The following NLRP13 variants were observed in gnomAD, a reference collection of about 807,000 sequenced individuals.
The protein encoded by NLRP13 is NLR family pyrin domain containing 13.
A neutral mutation model predicts 94.4 loss-of-function variants in NLRP13; 82 were observed. The ratio of observed to expected loss-of-function variants is 0.87; its 90% confidence interval spans 0.73 to 1.04. The LOEUF (loss-of-function observed/expected upper bound fraction) is 1.04, where lower values mean the gene tolerates loss of function less well. Among genes scored for constraint, NLRP13 ranks in the 50% least tolerant of loss-of-function variants. The probability of loss-of-function intolerance (pLI) is 0.00; values close to 1 mark genes in which losing one functional copy is unlikely to be tolerated. For missense variants in NLRP13, 1,426 were observed against 1,230.8 expected (o/e 1.16, Z -2.37); for synonymous variants, 553 against 464.7 (o/e 1.19, Z -2.45).
intron 4 of NLRP13, among the ~76,000 whole-genome samples, chr19:55,916,213 G>GA (rs1394748379): frequency 2.6e-5 from 4 of 152,030 alleles, no homozygotes; most frequent in Admixed American, 2.6e-4. Context: ...ATCCTCAAGG[G>GA]AAAAAATAGT....
intron 7 of NLRP13, among the ~76,000 whole-genome samples, chr19:55,905,339 C>T (rs1986307071): frequency 6.6e-6 from 1 of 151,348 alleles, no homozygotes; most frequent in African/African-American, 2.4e-5. Flanking sequence ...GTCAAGAGTT[C>T]GAGAGCAGCC....
At chr19:55,897,592 C>T (rs963872899) in intron 10 of NLRP13, among the ~76,000 whole-genome samples, 36 of 152,232 alleles carry the variant, frequency 2.4e-4, no homozygotes, top group Non-Finnish European at 4.1e-4. Flanking sequence ...TAAGTTGCTT[C>T]GTTAACTGAT....
In NLRP13 at chr19:55,925,179, T is replaced by C. The variant is rs1323078455; in HGVS notation, c.320-144A>G. ...TTCCTCCAGTTTTCTCAAGCTCCAT[T>C]AGCCCAACTGAAGATGCAGTGTGCA... is the stretch of plus-strand genomic sequence containing the variant. On this transcript the variant is annotated intron_variant, in intron 1 of 10. Coordinates refer to ENST00000342929, the MANE Select transcript of NLRP13 (RefSeq NM_176810.2). 4.2e-6 allele frequency: 3 copies of C among 719,950 alleles called. No individual in the cohort carries two copies. The African/African-American group carries it at 5.2e-5, about 13-fold the overall frequency. The allele number at this position is 719,950 out of a possible 1,614,324, so 44.6% of individuals were successfully genotyped here.
In NLRP13 at chr19:55,910,764, G is replaced by C. The variant is rs1479740140; in HGVS notation, c.2112-31C>G. ...TGAGGGAGAGACAGAACACGGATAA[G>C]AGCAAATTAGCCTCAAGCAATACCC... On this transcript the variant is annotated intron_variant, in intron 5 of 10. Transcript: ENST00000342929. 5 of 1,556,144 alleles carry C rather than the reference G, an allele frequency of 3.2e-6. No homozygotes were observed. In the Admixed American group the frequency reaches 5.3e-5, roughly 16 times the overall value.
chr19:55,900,350 A>G (rs1374979009), intron 9 of NLRP13, among the ~76,000 whole-genome samples: 2 of 152,234 alleles, frequency 1.3e-5, no homozygotes, highest in Non-Finnish European at 2.9e-5. Flanking sequence ...TTATAAATGC[A>G]GATGCAAATA....
intron 7 of NLRP13, among the ~76,000 whole-genome samples, chr19:55,907,453 G>A (rs1404422137): frequency 6.6e-6 from 1 of 152,108 alleles, no homozygotes; most frequent in African/African-American, 2.4e-5. Context: ...ACACCTGTGG[G>A]TACCAGCCAC....
chr19:55,903,080 T>C (rs1281943031), intron 8 of NLRP13, among the ~76,000 whole-genome samples: 1 of 151,862 alleles, frequency 6.6e-6, no homozygotes, highest in Non-Finnish European at 1.5e-5. Flanking sequence ...GTTATAATTA[T>C]ACTAATTATT....
intron 6 of NLRP13, among the ~76,000 whole-genome samples, chr19:55,909,966 C>T (rs956386061): frequency 3.9e-5 from 6 of 152,132 alleles, no homozygotes; most frequent in Non-Finnish European, 8.8e-5. Context: ...TGCAAGCCAC[C>T]TTCCTCCTCA....
chr19:55,909,017 C>T (rs943149661), intron 6 of NLRP13, among the ~76,000 whole-genome samples: 1 of 152,106 alleles, frequency 6.6e-6, no homozygotes, highest in South Asian at 2.1e-4. Context: ...TACGATCAAA[C>T]CTTTCACTCT....
intron 8 of NLRP13, among the ~76,000 whole-genome samples, chr19:55,902,773 T>G (rs1660495048): frequency 6.6e-6 from 1 of 151,774 alleles, no homozygotes; most frequent in Admixed American, 6.6e-5. Flanking sequence ...ATATAAGTTT[T>G]ATGAAAATAT....
chr19:55,912,245 C>T lies in NLRP13; in HGVS notation c.1572G>A (p.Lys524=). The T allele has an allele frequency of 6.2e-7, 1 of 1,614,144 alleles. No homozygotes were observed. Among genetic ancestry groups the T allele is most frequent in the Non-Finnish European group, 8.5e-7 (1 of 1,180,014 alleles). The part of the protein sequence containing the change: ...DSLYEFNILQ[K]INDCGGCTTF... ...TAGTGCAACCCCCACAGTCATTGAT[C>T]TTTTGAAGAATATTGAACTCGTAGA... Residue 524 remains lysine (K), a synonymous_variant, in exon 5 of 11, where the codon AAG becomes AAA. Transcript: ENST00000342929.
intron 1 of NLRP13, among the ~76,000 whole-genome samples, chr19:55,930,698 A>G (rs200595644): frequency 0.17 from 25,537 of 146,090 alleles, 2,718 homozygotes; most frequent in African/African-American, 0.24. Context: ...AAAAAAAAAA[A>G]AAAAAAAAAG....
rs530711374 is a variant in NLRP13 at position 55,923,009 on chromosome 19, T to G, written c.523+905A>C. On this transcript the variant is annotated intron_variant, in intron 4 of 10. Transcript: ENST00000342929. The stretch of plus-strand genomic sequence containing the variant: ...ATTACAAGCTCTATGTCCCTGTGAT[T>G]CTTTGGGGCTTGTATACATGCACAT... Among the ~76,000 whole-genome samples, 4 of 152,334 alleles carry G rather than the reference T, an allele frequency of 2.6e-5. No homozygotes were observed. The East Asian group carries it at 7.7e-4, about 29-fold the overall frequency.
chr19:55,896,204 A>C (rs949964521), intron 10 of NLRP13, 85 bp from the exon 11 acceptor site: 1 of 1,451,624 alleles, frequency 6.9e-7, no homozygotes, highest in Non-Finnish European at 9.4e-7. Context: ...GCAGGAAAAA[A>C]ACTATTACTA....
chr19:55,917,591 C>T (rs1986703938), intron 4 of NLRP13, among the ~76,000 whole-genome samples: 1 of 151,800 alleles, frequency 6.6e-6, no homozygotes, highest in African/African-American at 2.4e-5. Flanking sequence ...TCCACTTTTC[C>T]CCCTTTGCTT....
chr19:55,908,002 G>C (rs750802920), intron 6 of NLRP13, 46 bp from the exon 7 acceptor site: 1 of 1,547,120 alleles, frequency 6.5e-7, no homozygotes, highest in Admixed American at 1.9e-5. Context: ...GGAGAAGACT[G>C]GTTTCCAGGA....
At chr19:55,891,767 A>G (rs1462702242), downstream of NLRP13, 1 of 291,372 alleles carries the variant, frequency 3.4e-6, no homozygotes, top group Non-Finnish European at 6.3e-6. Flanking sequence ...GAGGACATAG[A>G]CAAGACTGAA....
chr19:55,927,436 T>C (rs916219183), intron 1 of NLRP13, among the ~76,000 whole-genome samples: 2 of 140,484 alleles, frequency 1.4e-5, no homozygotes, highest in African/African-American at 2.8e-5. Context: ...CCTTTGCCTG[T>C]GAAATAAAGT....
intron 4 of NLRP13, among the ~76,000 whole-genome samples, chr19:55,915,898 A>C (rs1986663008): frequency 1.3e-5 from 2 of 152,182 alleles, no homozygotes; most frequent in East Asian, 3.9e-4. Context: ...AGCTACTGCA[A>C]CTGCTGCAGC....
Sources: gnomAD v4.1 joint callset for allele counts (sites outside exome capture counted in the v4.1 genomes callset) on GRCh38, gnomAD v4.1.1 for gene constraint, MANE v1.5 for transcripts, NCBI Gene and HGNC (gene_info 2026-07-23, HGNC 2026-07-21) for gene names.